The following GALNTL6 variants were observed in gnomAD, a reference collection of about 807,000 sequenced individuals.
The protein encoded by GALNTL6 is polypeptide N-acetylgalactosaminyltransferase like 6, also known as polypeptide N-acetylgalactosaminyltransferase-like 6.
A neutral mutation model predicts 73.7 loss-of-function variants in GALNTL6; 46 were observed. The ratio of observed to expected loss-of-function variants is 0.62; its 90% confidence interval spans 0.49 to 0.80. The LOEUF is 0.80. Among genes scored for constraint, GALNTL6 ranks in the 30% least tolerant of loss-of-function variants. The pLI is 0.00. For synonymous variants in GALNTL6, 259 were observed against 263.7 expected, an observed-to-expected ratio of 0.98 and a Z score of 0.17; for missense variants, 604 against 755.0, an observed-to-expected ratio of 0.80 and a Z score of 2.34.
chr4:172,617,835 A>G (rs1045288129), intron 5 of GALNTL6, among the ~76,000 whole-genome samples: 1 of 152,192 alleles, frequency 6.6e-6, no homozygotes, highest in African/African-American at 2.4e-5. Flanking sequence ...AAAGATAAAT[A>G]CAAAATACCA....
At chr4:172,713,702 G>C (rs1276466205) in intron 5 of GALNTL6, among the ~76,000 whole-genome samples, 1 of 152,112 alleles carries the variant, frequency 6.6e-6, no homozygotes, top group Non-Finnish European at 1.5e-5. Flanking sequence ...CAGGGAGTCT[G>C]CCTATGCCCA....
chr4:171,912,128 C>A (rs1222834241), intron 2 of GALNTL6, among the ~76,000 whole-genome samples: 1 of 152,008 alleles, frequency 6.6e-6, no homozygotes, highest in Non-Finnish European at 1.5e-5. Flanking sequence ...ATTAATAGGA[C>A]AATCACTAAA....
intron 5 of GALNTL6, among the ~76,000 whole-genome samples, chr4:172,578,678 C>T (rs866502411): frequency 5.3e-5 from 8 of 152,142 alleles, no homozygotes; most frequent in South Asian, 2.1e-4. Context: ...TCTGACACTC[C>T]GTGGTTTCAC....
intron 5 of GALNTL6, among the ~76,000 whole-genome samples, chr4:172,594,209 AG>A (rs142489195): frequency 0.035 from 5,308 of 152,024 alleles, 247 homozygotes; most frequent in African/African-American, 0.1. Flanking sequence ...AGCCAGGCCT[AG>A]TGGTGGGCGC....
intron 8 of GALNTL6, among the ~76,000 whole-genome samples, chr4:172,889,019 C>T (rs1745876572): frequency 6.6e-6 from 1 of 151,776 alleles, no homozygotes; most frequent in African/African-American, 2.4e-5. Context: ...GTGTGTGTGG[C>T]TATCGTAAGT....
At chr4:172,471,497 T>C (rs1044531241) in intron 5 of GALNTL6, among the ~76,000 whole-genome samples, 1 of 152,230 alleles carries the variant, frequency 6.6e-6, no homozygotes, top group Non-Finnish European at 1.5e-5. Context: ...ATCACATTAC[T>C]GTTCTCTTTC....
chr4:172,238,617 C>A (rs1485272561), intron 3 of GALNTL6, among the ~76,000 whole-genome samples: 1 of 150,766 alleles, frequency 6.6e-6, no homozygotes, highest in Non-Finnish European at 1.5e-5. Context: ...ATTGCTCTGA[C>A]TAGGACTTTC....
intron 2 of GALNTL6, among the ~76,000 whole-genome samples, chr4:171,987,053 C>CTAAG (rs1270189134): frequency 6.6e-6 from 1 of 151,782 alleles, no homozygotes; most frequent in East Asian, 1.9e-4. Context: ...GGGGCACAGT[C>CTAAG]TAAGTTGTTC....
intron 2 of GALNTL6, among the ~76,000 whole-genome samples, chr4:172,013,540 TTTCTC>T (rs1469827590): frequency 1.3e-5 from 2 of 152,010 alleles, no homozygotes; most frequent in Admixed American, 1.3e-4. Context: ...ATATTTCACA[TTTCTC>T]TTTTTAAAAT....
At chr4:172,160,947 T>C (rs1734444778) in intron 2 of GALNTL6, among the ~76,000 whole-genome samples, 1 of 151,046 alleles carries the variant, frequency 6.6e-6, no homozygotes, top group Non-Finnish European at 1.5e-5. Flanking sequence ...CACATGTATA[T>C]ATATAATGCC....
chr4:172,163,671 C>A (rs183199036), intron 2 of GALNTL6, among the ~76,000 whole-genome samples: 1 of 151,914 alleles, frequency 6.6e-6, no homozygotes, highest in Non-Finnish European at 1.5e-5. Context: ...GGTTTCTTTA[C>A]GTTAAACTTT....
chr4:171,904,122 C>A lies in GALNTL6; in HGVS notation c.138+89404C>A, dbSNP rs185243596. 3.3e-3 allele frequency among the ~76,000 whole-genome samples: 499 copies of A among 152,314 alleles called. 5 individuals are homozygous for A. Among genetic ancestry groups the A allele is most frequent in the Non-Finnish European group, 2.9e-3 (194 of 68,028 alleles). ...CCAAAGGAACGTAGTTCCTCACCAG[C>A]AACAGAACAAAGCTGGACGGAGAAT... On this transcript the variant is annotated intron_variant, in intron 2 of 12. Transcript: ENST00000506823.
At chr4:172,593,414 AGCTGACTAATG>A (rs1423383385) in intron 5 of GALNTL6, among the ~76,000 whole-genome samples, 2 of 152,200 alleles carry the variant, frequency 1.3e-5, no homozygotes, top group African/African-American at 4.8e-5. Context: ...TGTGCTCACC[AGCTGACTAATG>A]GCATAGAATA....
chr4:172,633,198 A>G (rs1418644033), intron 5 of GALNTL6, among the ~76,000 whole-genome samples: 2 of 152,208 alleles, frequency 1.3e-5, no homozygotes, highest in East Asian at 1.9e-4. Context: ...TCCAGACCCC[A>G]GAATGATAGA....
intron 2 of GALNTL6, among the ~76,000 whole-genome samples, chr4:171,842,215 G>A (rs1735255198): frequency 6.6e-6 from 1 of 152,046 alleles, no homozygotes; most frequent in African/African-American, 2.4e-5. Flanking sequence ...ATTATAGTGT[G>A]TTGATCTTTA....
intron 5 of GALNTL6, among the ~76,000 whole-genome samples, chr4:172,558,309 G>T (rs1013155803): frequency 1.3e-5 from 2 of 152,098 alleles, no homozygotes; most frequent in South Asian, 4.2e-4. Context: ...GTTAAATGAG[G>T]GGTTATGAAC....
rs926399553 is a variant in GALNTL6, at chr4:172,687,227, T to C, written c.554-122134T>C. 2.6e-5 allele frequency among the ~76,000 whole-genome samples: 4 copies of C among 152,274 alleles called. No individual in the cohort carries two copies. In the East Asian group the frequency reaches 7.7e-4, roughly 29 times the overall value. Reference sequence around the variant, plus strand: ...TTGGTCTATAATAATAACAATAATATTACTCAGCACTTGAAAATTTACACC... The same window carrying C: ...TTGGTCTATAATAATAACAATAATACTACTCAGCACTTGAAAATTTACACC... On this transcript the variant is annotated intron_variant, in intron 5 of 12. Transcript: ENST00000506823.
chr4:172,393,155 C>T (rs1003578863), intron 5 of GALNTL6, among the ~76,000 whole-genome samples: 11 of 152,076 alleles, frequency 7.2e-5, no homozygotes, highest in African/African-American at 2.7e-4. Flanking sequence ...GAAACTGAGC[C>T]CTGGTGCCAA....
chr4:172,613,486 A>C (rs1353903080), intron 5 of GALNTL6, among the ~76,000 whole-genome samples: 2 of 152,102 alleles, frequency 1.3e-5, no homozygotes, highest in Non-Finnish European at 2.9e-5. Context: ...CCATAGGCAG[A>C]GACTGGGACT....
Sources: allele counts gnomAD v4.1 joint callset (sites outside exome capture counted in the v4.1 genomes callset), GRCh38; gene constraint gnomAD v4.1.1; transcripts MANE v1.5; gene names NCBI Gene and HGNC (gene_info 2026-07-23, HGNC 2026-07-21).